CRISPLD1: variants seen among roughly 807,000 people sequenced by gnomAD.
CRISPLD1 encodes the protein cysteine rich secretory protein LCCL domain containing 1, also known as cysteine-rich secretory protein LCCL domain-containing 1.
Under a neutral mutation model 77.5 loss-of-function variants are expected in CRISPLD1, and 60 were observed. The ratio of observed to expected loss-of-function variants is 0.77; its 90% CI spans 0.63 to 0.96. The LOEUF is 0.96. CRISPLD1 is among the 40% of genes least tolerant of loss of function. The pLI is 0.00. For missense variants in CRISPLD1, 623 were observed against 615.8 expected (o/e 1.01, Z -0.12); for synonymous variants, 195 against 200.1 (o/e 0.97, Z 0.22).
chr8:75,001,588 T>G (rs1016911781), intron 2 of CRISPLD1, among the ~76,000 whole-genome samples: 1 of 152,244 alleles, frequency 6.6e-6, no homozygotes, highest in African/African-American at 2.4e-5. Flanking sequence ...AAATAGTATT[T>G]GGTAGAAGTT....
At chr8:75,023,524 A>G (rs1813176795) in intron 12 of CRISPLD1, among the ~76,000 whole-genome samples, 1 of 152,206 alleles carries the variant, frequency 6.6e-6, no homozygotes, top group African/African-American at 2.4e-5. Flanking sequence ...TATACACTCT[A>G]GAATATACAG....
At chr8:75,004,181 CAGT>C (rs1399534213) in intron 2 of CRISPLD1, among the ~76,000 whole-genome samples, 2 of 152,144 alleles carry the variant, frequency 1.3e-5, no homozygotes, top group African/African-American at 4.8e-5. Context: ...GCTTCTTTCT[CAGT>C]AGTTGGCAAA....
rs1270777588 is a variant in CRISPLD1 at position 74,984,767 on chromosome 8, G to C, written c.-216G>C. 1.3e-5 allele frequency: 2 copies of C among 152,310 alleles called. No individual in the cohort carries two copies. Among genetic ancestry groups the C allele is most frequent in the African/African-American group, 4.8e-5 (2 of 41,454 alleles). The allele number at this position is 152,310 out of a possible 1,614,324, so 9.4% of individuals were successfully genotyped here. ...CAGAGGCGGAGGCTCGCGTATTCCT[G>C]CAGTCAGCACCCACGTCGCCCCCGG... is the stretch of plus-strand genomic sequence containing the variant. On this transcript the variant is annotated 5_prime_UTR_variant, in exon 1 of 15. Coordinates refer to ENST00000262207, the MANE Select transcript of CRISPLD1 (RefSeq NM_031461.6).
chr8:75,011,424 T>C (rs1379506131), intron 2 of CRISPLD1, among the ~76,000 whole-genome samples: 1 of 151,972 alleles, frequency 6.6e-6, no homozygotes, highest in African/African-American at 2.4e-5. Context: ...GGTTGTGTCC[T>C]CAGGTTCCAT....
intron 1 of CRISPLD1, among the ~76,000 whole-genome samples, chr8:74,985,514 A>G (rs1417054922): frequency 6.6e-6 from 1 of 152,218 alleles, no homozygotes; most frequent in Admixed American, 6.5e-5. Context: ...TTCACACCTT[A>G]AAACTCTTCA....
chr8:75,005,297 C>T (rs1323738651), intron 2 of CRISPLD1, among the ~76,000 whole-genome samples: 1 of 152,112 alleles, frequency 6.6e-6, no homozygotes, highest in Admixed American at 6.6e-5. Flanking sequence ...AAAGCTAAGT[C>T]TTTTCGATTT....
chr8:75,002,252 T>C (rs2083147968), intron 2 of CRISPLD1, among the ~76,000 whole-genome samples: 1 of 151,218 alleles, frequency 6.6e-6, no homozygotes, highest in Non-Finnish European at 1.5e-5. Flanking sequence ...AATTTCTCTC[T>C]TACCCATATA....
At chr8:75,013,259 C>T (rs981433645) in intron 4 of CRISPLD1, among the ~76,000 whole-genome samples, 1 of 152,010 alleles carries the variant, frequency 6.6e-6, no homozygotes, top group Admixed American at 6.6e-5. Flanking sequence ...GCATATCAAA[C>T]ATTTTTAATA....
At chr8:75,001,877 A>G (rs1587009610) in intron 2 of CRISPLD1, among the ~76,000 whole-genome samples, 1 of 152,186 alleles carries the variant, frequency 6.6e-6, no homozygotes, top group Non-Finnish European at 1.5e-5. Context: ...ATTTGAGGTA[A>G]TATGACCGTA....
At chr8:75,030,495 T>C (rs1349105996) in intron 14 of CRISPLD1, among the ~76,000 whole-genome samples, 1 of 152,144 alleles carries the variant, frequency 6.6e-6, no homozygotes, top group Admixed American at 6.6e-5. Context: ...GTTTTATGTA[T>C]GCCTCGTAAT....
At position 75,029,496 on chromosome 8, in the gene CRISPLD1, A is replaced by G. The variant is rs776324658; in HGVS notation, c.1430A>G (p.Gln477Arg). 1 of 1,613,716 alleles carries G rather than the reference A, an allele frequency of 6.2e-7. No individual in the cohort carries two copies. Among genetic ancestry groups the G allele is most frequent in the South Asian group, 1.1e-5 (1 of 91,058 alleles). ...AGAAAGACCTACATTGCTTCTTTTC[A>G]GAATGGAATCTTCTCAGAAAGGTAA... ...DKRKTYIASF[Q>R]NGIFSESLQN... The change falls in exon 14 of 15, where the codon CAG becomes CGG. Residue 477 changes from glutamine (Q) to arginine (R), a missense_variant. Gln to Arg is a conservative substitution (Grantham distance 43). Transcript: ENST00000262207.
intron 13 of CRISPLD1, among the ~76,000 whole-genome samples, chr8:75,028,368 A>G (rs186958439): frequency 3.6e-4 from 55 of 152,290 alleles, no homozygotes; most frequent in Non-Finnish European, 7.2e-4. Context: ...TATTTTAAAA[A>G]GCATATTAAA....
At position 74,986,165 on chromosome 8, in the gene CRISPLD1, A is replaced by C. The variant is rs376754208; in HGVS notation, c.178A>C (p.Asn60His). 1 of 1,614,196 alleles carries C rather than the reference A, an allele frequency of 6.2e-7. No homozygotes were observed. Among genetic ancestry groups the C allele is most frequent in the South Asian group, 1.1e-5 (1 of 91,078 alleles). ...KQRGKRAITD[N>H]DMQSILDLHN... ...ACGAGGGAAAAGGGCCATCACAGAC[A>C]ATGACATGCAGAGTATTTTGGACCT... The change falls in exon 2 of 15, where the codon AAT (asparagine) becomes CAT (histidine). Residue 60 changes from asparagine (N) to histidine (H), a missense_variant. Transcript: ENST00000262207.
chr8:74,995,380 A>T (rs577316406), intron 2 of CRISPLD1, among the ~76,000 whole-genome samples: 1 of 152,362 alleles, frequency 6.6e-6, no homozygotes, highest in South Asian at 2.1e-4. Flanking sequence ...AGTCTGGGTG[A>T]AGTCATAGTG....
intron 12 of CRISPLD1, among the ~76,000 whole-genome samples, chr8:75,023,073 T>TAA (rs397891797): frequency 1.1e-4 from 12 of 112,006 alleles, no homozygotes; most frequent in Admixed American, 8.8e-4. Flanking sequence ...AAATTGTAGG[T>TAA]AAAAAAAAAA....
intron 12 of CRISPLD1, among the ~76,000 whole-genome samples, chr8:75,024,331 T>TGTA (rs3033043): frequency 0.016 from 2,182 of 133,952 alleles, 52 homozygotes; most frequent in East Asian, 0.089. Context: ...TTGTTGTTGT[T>TGTA]TTGTTTTGTT....
chr8:75,006,061 C>G (rs1034630056), intron 2 of CRISPLD1, among the ~76,000 whole-genome samples: 2 of 152,096 alleles, frequency 1.3e-5, no homozygotes, highest in African/African-American at 4.8e-5. Context: ...ATTTTTCATT[C>G]CTTATCCTTC....
rs147851734 is a variant in CRISPLD1, at chr8:75,012,773, T to G, written c.378-117T>G. 1.1e-4 allele frequency: 127 copies of G among 1,195,168 alleles called. No homozygotes were observed. The African/African-American group carries it at 1.7e-3, about 16-fold the overall frequency. The allele number at this position is 1,195,168 out of a possible 1,614,324, so 74.0% of individuals were successfully genotyped here. On this transcript the variant is annotated intron_variant, in intron 3 of 14. Coordinates refer to ENST00000262207, the MANE Select transcript of CRISPLD1 (RefSeq NM_031461.6). ...AATGTAAGGGGCATAAAAATTTAAG[T>G]TTAATAGTTTACGCCAAAGTGTCTT...
chr8:75,026,938 G>A (rs556263907), intron 13 of CRISPLD1: 1 of 152,206 alleles, frequency 6.6e-6, no homozygotes, highest in African/African-American at 2.4e-5. Flanking sequence ...TCTTGCCTCT[G>A]TTGAAATACA....
Sources: allele counts gnomAD v4.1 joint callset (sites outside exome capture counted in the v4.1 genomes callset), GRCh38; gene constraint gnomAD v4.1.1; transcripts MANE v1.5; gene names NCBI Gene and HGNC (gene_info 2026-07-23, HGNC 2026-07-21).